The following SLC28A3 variants were observed in gnomAD, a reference collection of about 807,000 sequenced individuals.
SLC28A3 encodes solute carrier family 28 member 3, also known as concentrative Na(+)-nucleoside cotransporter 3.
A neutral mutation model predicts 84.2 loss-of-function variants in SLC28A3; 68 were observed. The observed-to-expected ratio is 0.81, with a 90% confidence interval of 0.66 to 0.99. The LOEUF (loss-of-function observed/expected upper bound fraction) is 0.99, where lower values mean the gene tolerates loss of function less well. Ranked by LOEUF, SLC28A3 falls within the 50% of genes least tolerant of loss-of-function variation. SLC28A3 has a pLI of 0.00. For missense variants in SLC28A3, 712 were observed against 841.5 expected (o/e 0.85, Z 1.90); for synonymous variants, 267 against 303.6 (o/e 0.88, Z 1.25).
rs946126515 is a variant in SLC28A3 at position 84,275,721 on chromosome 9, G to A, written c.*2497C>T. On this transcript the variant is annotated 3_prime_UTR_variant, in exon 18 of 18. Transcript: ENST00000376238. ...TTGGTGAGGTTTCTGGGGGTAACAA[G>A]CTCAAGAGGCTTAACCAGCTCATTT... 4.6e-5 allele frequency: 7 copies of A among 152,138 alleles called. No homozygotes were observed. Among genetic ancestry groups the A allele is most frequent in the African/African-American group, 1.7e-4 (7 of 41,422 alleles). 9.4% of individuals were successfully genotyped at this position (152,138 alleles called of 1,614,324 possible).
intron 5 of SLC28A3, among the ~76,000 whole-genome samples, chr9:84,300,117 A>G (rs903738135): frequency 2.6e-5 from 4 of 152,124 alleles, no homozygotes; most frequent in African/African-American, 7.2e-5. Context: ...ACAAAGAAAC[A>G]TAGAAACAAG....
chr9:84,360,233 C>G, the SLC28A3 span, among the ~76,000 whole-genome samples: 1 of 151,816 alleles, frequency 6.6e-6, no homozygotes, highest in South Asian at 2.1e-4. Context: ...GGTCAAGGGC[C>G]CAGATTGGAA....
chr9:84,302,357 G>C lies in SLC28A3; in HGVS notation c.367C>G (p.Leu123Val). Residue 123 changes from leucine to valine, a missense_variant, in exon 5 of 18, where the codon CTG (leucine) becomes GTG (valine). Transcript: ENST00000376238. ...YLVMVISACV[L>V]NFHRALPLFV... ...AGAGGAAGGGCTCTGTGAAAGTTCA[G>C]CACACAGGCCGAAATCACCATAACC... 7 of 1,613,986 alleles carry C rather than the reference G, an allele frequency of 4.3e-6. No homozygotes were observed. Among genetic ancestry groups the C allele is most frequent in the Non-Finnish European group, 5.9e-6 (7 of 1,179,954 alleles).
intron 10 of SLC28A3, 90 bp from the exon 11 acceptor site, chr9:84,290,369 A>G: frequency 6.6e-7 from 1 of 1,508,008 alleles, no homozygotes; most frequent in Non-Finnish European, 9.0e-7. Flanking sequence ...TTTATTCTTT[A>G]AAGCAGACAG....
At position 84,299,736 on chromosome 9, in the gene SLC28A3, G is replaced by C; in HGVS notation, c.525-11C>G. 1 of 1,566,744 alleles carries C rather than the reference G, an allele frequency of 6.4e-7. No individual in the cohort carries two copies. The highest frequency in any genetic ancestry group is 8.6e-7 in the Non-Finnish European group (1 of 1,163,856). On this transcript the variant is annotated splice_polypyrimidine_tract_variant and intron_variant, in intron 5 of 17. Coordinates refer to ENST00000376238, the MANE Select transcript of SLC28A3 (RefSeq NM_001199633.2). ...GAGCTCCAGATCACCCTAAGAGAAG[G>C]GGAAAGGAGGCATTGGCATCATTTG...
chr9:84,277,922 G>T lies in SLC28A3; in HGVS notation c.*296C>A. The T allele has an allele frequency of 2.9e-6, 1 of 344,242 alleles. No individual in the cohort carries two copies. The highest frequency in any genetic ancestry group is 5.4e-6 in the Non-Finnish European group (1 of 185,626). The allele number at this position is 344,242 out of a possible 1,614,324, so 21.3% of individuals were successfully genotyped here. A position where few individuals can be genotyped will look rare whatever the true frequency, so the allele number is the denominator to read the frequency against. On this transcript the variant is annotated 3_prime_UTR_variant, in exon 18 of 18. Transcript: ENST00000376238. Reference sequence around the variant, plus strand: ...GAGCGGCCGTTTATAGCTGTATTCTGGTGAAATGCCTTGCAAACATTAAAG... The same window carrying T: ...GAGCGGCCGTTTATAGCTGTATTCTTGTGAAATGCCTTGCAAACATTAAAG...
chr9:84,328,327 A>T (rs558891349), intron 1 of SLC28A3, among the ~76,000 whole-genome samples: 1 of 150,360 alleles, frequency 6.7e-6, no homozygotes, highest in East Asian at 1.9e-4. Flanking sequence ...AAATAAAATT[A>T]AAAAGGAAAA....
the SLC28A3 span, among the ~76,000 whole-genome samples, chr9:84,352,140 T>C: frequency 6.6e-6 from 1 of 152,174 alleles, no homozygotes; most frequent in Non-Finnish European, 1.5e-5. Context: ...AACTATATAT[T>C]ATCCTGCAGA....
rs532398816 is a variant in SLC28A3 at position 84,276,530 on chromosome 9, T to C, written c.*1688A>G. On this transcript the variant is annotated 3_prime_UTR_variant, in exon 18 of 18. Coordinates refer to ENST00000376238, the MANE Select transcript of SLC28A3 (RefSeq NM_001199633.2). ...GTCCACAGAGGAATGGTATGATACA[T>C]AAACATAACATTCTGTGGGGTATGA... is the stretch of plus-strand genomic sequence containing the variant. The C allele has an allele frequency of 2.0e-5, 3 of 151,958 alleles. No individual in the cohort carries two copies. The highest frequency in any genetic ancestry group is 2.9e-5 in the Non-Finnish European group (2 of 67,992). The allele number at this position is 151,958 out of a possible 1,614,324, so 9.4% of individuals were successfully genotyped here.
intron 3 of SLC28A3, among the ~76,000 whole-genome samples, chr9:84,307,589 GCT>G (rs1825847858): frequency 2.0e-5 from 3 of 152,104 alleles, no homozygotes; most frequent in Admixed American, 1.3e-4. Context: ...TAGAAACAGT[GCT>G]CTCTAGAAAA....
At chr9:84,321,807 T>C (rs1826390839) in intron 1 of SLC28A3, among the ~76,000 whole-genome samples, 1 of 150,902 alleles carries the variant, frequency 6.6e-6, no homozygotes, top group South Asian at 2.1e-4. Context: ...ATCCCAGCAC[T>C]TTGGGAGGCT....
At chr9:84,338,316 A>G (rs1237744626) in intron 1 of SLC28A3, among the ~76,000 whole-genome samples, 2 of 152,244 alleles carry the variant, frequency 1.3e-5, no homozygotes, top group Non-Finnish European at 2.9e-5. Context: ...TTTACAATCA[A>G]TTAATTTTCC....
intron 14 of SLC28A3, among the ~76,000 whole-genome samples, chr9:84,282,694 G>A (rs947300498): frequency 1.3e-5 from 2 of 152,200 alleles, no homozygotes; most frequent in Admixed American, 6.5e-5. Flanking sequence ...AGAAGATTCC[G>A]TGTACTCTGT....
chr9:84,342,035 G>A (rs1256074681), upstream of SLC28A3, among the ~76,000 whole-genome samples: 2 of 150,282 alleles, frequency 1.3e-5, no homozygotes, highest in East Asian at 2.0e-4. Context: ...AGGCTGAGGC[G>A]GGAGAATCGC....
chr9:84,283,957 T>A (rs1437322957), intron 14 of SLC28A3, among the ~76,000 whole-genome samples: 1 of 152,200 alleles, frequency 6.6e-6, no homozygotes, highest in Non-Finnish European at 1.5e-5. Context: ...GATTCAACAA[T>A]AGCAGAGGCC....
chr9:84,288,647 C>T (rs1458339278), intron 11 of SLC28A3, among the ~76,000 whole-genome samples: 12 of 151,982 alleles, frequency 7.9e-5, no homozygotes, highest in African/African-American at 2.9e-4. Context: ...CCTGGTCAAG[C>T]GATTCTCCTG....
chr9:84,295,193 T>G (rs759273679), intron 8 of SLC28A3, among the ~76,000 whole-genome samples: 2 of 152,220 alleles, frequency 1.3e-5, no homozygotes, highest in Non-Finnish European at 2.9e-5. Context: ...ACATTCATTC[T>G]TCTAGCTTTT....
intron 1 of SLC28A3, among the ~76,000 whole-genome samples, chr9:84,329,903 C>A (rs182651868): frequency 6.6e-6 from 1 of 151,422 alleles, no homozygotes; most frequent in Non-Finnish European, 1.5e-5. Flanking sequence ...TGAAAATATA[C>A]GAAAATTTAT....
In SLC28A3 at chr9:84,305,371, G is replaced by A. The variant is rs761658768; in HGVS notation, c.243-26C>T. 9.4e-6 allele frequency: 15 copies of A among 1,595,106 alleles called. No homozygotes were observed. In the African/African-American group the frequency reaches 2.0e-4, roughly 21 times the overall value. ...CTGCAACATAAAAGCAAAAAGGCAG[G>A]GAGAAGTAAACACCAAAAACATGAA... On this transcript the variant is annotated intron_variant, in intron 3 of 17. Coordinates refer to ENST00000376238, the MANE Select transcript of SLC28A3 (RefSeq NM_001199633.2).
Sources: allele counts gnomAD v4.1 joint callset (sites outside exome capture counted in the v4.1 genomes callset), GRCh38; gene constraint gnomAD v4.1.1; transcripts MANE v1.5; gene names NCBI Gene and HGNC (gene_info 2026-07-23, HGNC 2026-07-21).